ACSBG2: variants seen among roughly 807,000 people sequenced by gnomAD.
ACSBG2 encodes the protein acyl-CoA synthetase bubblegum family member 2.
ACSBG2 carries 62 observed loss-of-function variants against 74.7 expected under a neutral mutation model. The ratio of observed to expected loss-of-function variants is 0.83; its 90% CI spans 0.68 to 1.03. ACSBG2 has a LOEUF of 1.03. Ranked by LOEUF, ACSBG2 falls within the 50% of genes least tolerant of loss-of-function variation. The pLI is 0.00. For missense variants in ACSBG2, 730 were observed against 817.6 expected (o/e 0.89, Z 1.31); for synonymous variants, 309 against 294.1 (o/e 1.05, Z -0.52).
intron 6 of ACSBG2, among the ~76,000 whole-genome samples, chr19:6,163,712 G>A (rs1030399396): frequency 2.0e-5 from 3 of 148,022 alleles, no homozygotes; most frequent in Non-Finnish European, 3.0e-5. Flanking sequence ...CGGAGATCAC[G>A]CCACTGCACT....
intron 5 of ACSBG2, among the ~76,000 whole-genome samples, chr19:6,159,025 T>A (rs1265564517): frequency 6.6e-6 from 1 of 152,170 alleles, no homozygotes; most frequent in African/African-American, 2.4e-5. Flanking sequence ...TGGCGCCATC[T>A]TGGCTCACTG....
chr19:6,167,662 T>C (rs113082310), intron 7 of ACSBG2, among the ~76,000 whole-genome samples: 1,975 of 152,326 alleles, frequency 0.013, 17 homozygotes, highest in South Asian at 0.042. Context: ...GTTTTTACTC[T>C]CCCACACTGT....
Position 6,147,637 on chromosome 19 carries a change from T to C in ACSBG2, c.259T>C (p.Tyr87His), listed in dbSNP as rs767294404. The C allele has an allele frequency of 2.3e-5, 37 of 1,614,134 alleles. No individual in the cohort carries two copies. Among genetic ancestry groups the C allele is most frequent in the Non-Finnish European group, 2.9e-5 (34 of 1,180,062 alleles). ...GGAAATTCTGAATTTCAACCAGTAC[T>C]ATGAGGCTTGTCGGAAGGCTGCAAA... Reference protein sequence around the residue: ...KWEILNFNQYYEACRKAAKSL... With the variant: ...KWEILNFNQYHEACRKAAKSL... Residue 87 changes from tyrosine to histidine, a missense_variant, in exon 3 of 15, where the codon TAT becomes CAT. Physicochemically the swap from Tyr to His is moderately conservative, Grantham distance 83. Coordinates refer to ENST00000588485, the MANE Select transcript of ACSBG2 (RefSeq NM_030924.5).
At position 6,190,698 on chromosome 19, in the gene ACSBG2, A is replaced by G. The variant is rs1452049917; in HGVS notation, c.*35+6A>G. 1.9e-5 allele frequency: 31 copies of G among 1,592,590 alleles called. No homozygotes were observed. The highest frequency in any genetic ancestry group is 2.7e-5 in the Non-Finnish European group (31 of 1,160,702). On this transcript the variant is annotated splice_donor_region_variant and intron_variant, in intron 14 of 14. Transcript: ENST00000588485. ...TGCTCTCAGCTGTTCTGATGGTGAG[A>G]TTCAGTTGCTTGGCTTTGCTGGGCT...
intron 2 of ACSBG2, among the ~76,000 whole-genome samples, chr19:6,147,122 A>G (rs2089061923): frequency 1.3e-5 from 2 of 152,166 alleles, no homozygotes; most frequent in Admixed American, 6.5e-5. Context: ...AAGAAAGAAA[A>G]AAAAAATGGA....
chr19:6,183,015 A>T, intron 9 of ACSBG2, 24 bp from the exon 10 acceptor site: 4 of 1,613,662 alleles, frequency 2.5e-6, no homozygotes, highest in Non-Finnish European at 3.4e-6. Flanking sequence ...GCCCTTCTCC[A>T]CTTGACGGCA....
At chr19:6,182,608 T>C in intron 8 of ACSBG2, 143 bp from the exon 9 acceptor site, 1 of 747,186 alleles carries the variant, frequency 1.3e-6, no homozygotes, top group Non-Finnish European at 2.1e-6. Context: ...AGCTAATGGG[T>C]TGTCTCCTTT....
chr19:6,153,940 A>G (rs1457500468), intron 4 of ACSBG2, among the ~76,000 whole-genome samples: 2 of 152,002 alleles, frequency 1.3e-5, no homozygotes, highest in East Asian at 3.8e-4. Flanking sequence ...GGAAGGAAGG[A>G]AAAGAAAAGA....
In ACSBG2 at chr19:6,187,387, A is replaced by G. The variant is rs2090438262; in HGVS notation, c.1645A>G (p.Lys549Glu). ...CAGTAACGCCATGTTAGTAGGAGAT[A>G]AACTGAAGTTTCTGAGCATGTTGCT... ...IISNAMLVGD[K>E]LKFLSMLLTL... is the part of the protein sequence containing the mutation. The change falls in exon 12 of 15, where the codon AAA (lysine) becomes GAA (glutamate). Residue 549 changes from lysine (K) to glutamate (E), a missense_variant. Lys to Glu is a moderately conservative substitution (Grantham distance 56). Coordinates refer to ENST00000588485, the MANE Select transcript of ACSBG2 (RefSeq NM_030924.5). 3 of 1,614,066 alleles carry G rather than the reference A, an allele frequency of 1.9e-6. No individual in the cohort carries two copies. The highest frequency in any genetic ancestry group is 2.7e-5 in the African/African-American group (2 of 74,914).
chr19:6,160,166 G>A (rs192457402), intron 5 of ACSBG2, among the ~76,000 whole-genome samples: 11 of 152,028 alleles, frequency 7.2e-5, no homozygotes, highest in East Asian at 1.9e-4. Flanking sequence ...TGAGGTGGGC[G>A]GATCACGAGG....
chr19:6,155,134 C>G (rs1247327671), intron 4 of ACSBG2, among the ~76,000 whole-genome samples: 1 of 152,120 alleles, frequency 6.6e-6, no homozygotes, highest in Non-Finnish European at 1.5e-5. Flanking sequence ...AGCACAACAA[C>G]TAGATCAACA....
chr19:6,186,510 C>T (rs990271689), intron 11 of ACSBG2, among the ~76,000 whole-genome samples: 1 of 152,104 alleles, frequency 6.6e-6, no homozygotes, highest in African/African-American at 2.4e-5. Context: ...ACACTTAGTG[C>T]TTTTTTACTC....
chr19:6,153,441 T>C (rs967105464), intron 4 of ACSBG2, among the ~76,000 whole-genome samples: 1 of 152,116 alleles, frequency 6.6e-6, no homozygotes, highest in African/African-American at 2.4e-5. Context: ...CCCAGAATCA[T>C]GCTGTGGTTG....
chr19:6,177,103 G>A, intron 7 of ACSBG2, 126 bp from the exon 8 acceptor site: 1 of 1,015,630 alleles, frequency 9.8e-7, no homozygotes. Context: ...TGAGGCTGCA[G>A]TGAGCTGTGA....
intron 8 of ACSBG2, among the ~76,000 whole-genome samples, chr19:6,177,875 AGTGTGTGTGTGTGTGTGT>A (rs3036311): frequency 4.2e-5 from 6 of 143,410 alleles, no homozygotes; most frequent in South Asian, 2.3e-4. Flanking sequence ...GAAAGTAAAG[AGTGTGTGTGTGTGTGTGT>A]GTGTGTGTGT....
In ACSBG2 at chr19:6,161,225, G is replaced by A. The variant is rs766292665; in HGVS notation, c.518G>A (p.Ser173Asn). 5 of 1,613,464 alleles carry A rather than the reference G, an allele frequency of 3.1e-6. No individual in the cohort carries two copies. The highest frequency in any genetic ancestry group is 2.2e-5 in the East Asian group (1 of 44,868). ...GGAACTTTCTTTCAGATTCCACAGA[G>A]CAGCCTAGAGCCCCTAAAAGCGATC... ...QLQKILSIPQ[S>N]SLEPLKAIIQ... The change falls in exon 6 of 15, where the codon AGC becomes AAC. Residue 173 changes from serine to asparagine, a missense_variant. Physicochemically the swap from Ser to Asn is conservative, Grantham distance 46. Transcript: ENST00000588485.
chr19:6,182,758 TG>T lies in ACSBG2; in HGVS notation c.916del (p.Val306Ter). 1 of 1,614,042 alleles carries T rather than the reference TG, an allele frequency of 6.2e-7. No individual in the cohort carries two copies. On this transcript the variant is annotated frameshift_variant, in exon 9 of 15. Coordinates refer to ENST00000588485, the MANE Select transcript of ACSBG2 (RefSeq NM_030924.5). LOFTEE classifies it high-confidence loss of function. ...TAGCTTCGTTCCATACAGGGCACCT[TG>T]GTAAGTACTCTAAAGGAGGTAAAAC... The part of the protein sequence containing the change: ...FAQADALKGT[L>X]VSTLKEVKPT...
intron 7 of ACSBG2, 24 bp from the exon 8 acceptor site, chr19:6,177,205 C>G (rs2090110711): frequency 3.1e-6 from 5 of 1,612,228 alleles, no homozygotes; most frequent in Non-Finnish European, 4.2e-6. Context: ...GGTGAGGCAC[C>G]TTGGATTGTC....
intron 13 of ACSBG2, 67 bp from the exon 14 acceptor site, chr19:6,190,517 G>C: frequency 2.2e-6 from 3 of 1,374,222 alleles, no homozygotes; most frequent in East Asian, 2.3e-5. Flanking sequence ...CTGTTGCCTG[G>C]TCATGCATGG....
Sources: gnomAD v4.1 joint callset for allele counts (sites outside exome capture counted in the v4.1 genomes callset) on GRCh38, gnomAD v4.1.1 for gene constraint, MANE v1.5 for transcripts, NCBI Gene and HGNC (gene_info 2026-07-23, HGNC 2026-07-21) for gene names.